The following DYRK1A variants were observed in gnomAD, a reference collection of about 807,000 sequenced individuals.
DYRK1A encodes the protein dual specificity tyrosine-phosphorylation-regulated kinase 1A.
DYRK1A carries 9 observed loss-of-function variants against 79.7 expected under a neutral mutation model. The ratio of observed to expected loss-of-function variants is 0.11; its 90% CI spans 0.07 to 0.20. The LOEUF is 0.20. Ranked by LOEUF, DYRK1A falls within the 10% of genes least tolerant of loss-of-function variation. The pLI is 1.00. For missense variants in DYRK1A, 622 were observed against 956.0 expected, an observed-to-expected ratio of 0.65 and a Z score of 4.61; for synonymous variants, 349 against 329.7, an observed-to-expected ratio of 1.06 and a Z score of -0.63.
chr21:37,375,583 T>A (rs977986966), intron 1 of DYRK1A, among the ~76,000 whole-genome samples: 1 of 139,934 alleles, frequency 7.1e-6, no homozygotes, highest in African/African-American at 2.7e-5. Context: ...TGGAGTGCAG[T>A]GGCACAATTT....
At chr21:37,490,536 T>C in intron 7 of DYRK1A, 75 bp downstream of exon 7, 1 of 1,292,410 alleles carries the variant, frequency 7.7e-7, no homozygotes, top group Non-Finnish European at 1.0e-6. Context: ...GGTATTAGGT[T>C]GGCGCAAAAG....
chr21:37,389,228 CAAAT>C (rs1268901426), intron 1 of DYRK1A, among the ~76,000 whole-genome samples: 1 of 151,466 alleles, frequency 6.6e-6, no homozygotes, highest in African/African-American at 2.4e-5. Flanking sequence ...TATATATAAA[CAAAT>C]ACATACTGCA....
At chr21:37,458,268 C>CTGTGTGTGTGTGTGTGTGTGTGTGTGTG (rs3138683) in intron 2 of DYRK1A, among the ~76,000 whole-genome samples, 5 of 130,484 alleles carry the variant, frequency 3.8e-5, no homozygotes, top group Non-Finnish European at 8.2e-5. Flanking sequence ...GGGTAATTTA[C>CTGTGTGTGTGTGTGTGTGTGTGTGTGTG]TGTGTGTGTG....
chr21:37,416,504 G>C (rs746474499), intron 1 of DYRK1A, among the ~76,000 whole-genome samples: 5 of 151,668 alleles, frequency 3.3e-5, no homozygotes, highest in Non-Finnish European at 7.4e-5. Context: ...CATCAAAACT[G>C]TGATACTTCT....
chr21:37,403,910 C>T (rs1350613656), intron 1 of DYRK1A, among the ~76,000 whole-genome samples: 1 of 151,282 alleles, frequency 6.6e-6, no homozygotes, highest in Non-Finnish European at 1.5e-5. Flanking sequence ...AATTTATTTA[C>T]CTTAGGTAAC....
rs765384659 is a variant in DYRK1A at position 37,512,099 on chromosome 21, A to G, written c.1833A>G (p.Gly611=). The G allele has an allele frequency of 6.2e-7, 1 of 1,614,144 alleles. No individual in the cohort carries two copies. Among genetic ancestry groups the G allele is most frequent in the South Asian group, 1.1e-5 (1 of 91,076 alleles). Residue 611 remains glycine, a synonymous_variant, in exon 12 of 12, where the codon GGA becomes GGG. Transcript: ENST00000647188. ...ACCACCACCATCACCACCACCATGG[A>G]CAACAAGCCTTGGGTAACCGGACCA... is the stretch of plus-strand genomic sequence containing the variant. ...HHHHHHHHHH[G]QQALGNRTRP...
At chr21:37,371,235 T>G (rs1040313028) in intron 1 of DYRK1A, among the ~76,000 whole-genome samples, 4 of 152,238 alleles carry the variant, frequency 2.6e-5, no homozygotes, top group African/African-American at 9.6e-5. Context: ...AAATGTAGAC[T>G]TCATGTGACT....
intron 1 of DYRK1A, among the ~76,000 whole-genome samples, chr21:37,387,064 C>G (rs893594368): frequency 2.6e-5 from 4 of 152,146 alleles, no homozygotes; most frequent in African/African-American, 4.8e-5. Context: ...GCATGCTTTC[C>G]TTGAGCACAT....
chr21:37,433,044 A>AAAATATATATATATAT (rs372461775), intron 2 of DYRK1A, among the ~76,000 whole-genome samples: 13 of 140,518 alleles, frequency 9.3e-5, no homozygotes, highest in African/African-American at 3.0e-4. Flanking sequence ...AGGAATTCTA[A>AAAATATATATATATAT]ATATATATAT....
chr21:37,497,699 C>CT (rs752317491), intron 9 of DYRK1A, among the ~76,000 whole-genome samples: 6 of 152,126 alleles, frequency 3.9e-5, no homozygotes, highest in Non-Finnish European at 7.3e-5. Flanking sequence ...TCCTAAATCT[C>CT]TGCCTTACAA....
At chr21:37,405,972 T>C (rs963415848) in intron 1 of DYRK1A, among the ~76,000 whole-genome samples, 1 of 152,238 alleles carries the variant, frequency 6.6e-6, no homozygotes, top group African/African-American at 2.4e-5. Context: ...GTTCTCATTG[T>C]TGATGTTATT....
chr21:37,391,131 C>T (rs1361677117), intron 1 of DYRK1A, among the ~76,000 whole-genome samples: 1 of 152,112 alleles, frequency 6.6e-6, no homozygotes, highest in Non-Finnish European at 1.5e-5. Context: ...TTCCTAGTGC[C>T]CTGGTTCTTT....
intron 9 of DYRK1A, among the ~76,000 whole-genome samples, chr21:37,499,897 C>G (rs1325782614): frequency 6.6e-6 from 1 of 152,138 alleles, no homozygotes; most frequent in Non-Finnish European, 1.5e-5. Flanking sequence ...TCTGAAGGTT[C>G]CACATCTGCA....
intron 2 of DYRK1A, among the ~76,000 whole-genome samples, chr21:37,453,315 G>A (rs2051520960): frequency 6.6e-6 from 1 of 152,102 alleles, no homozygotes; most frequent in Admixed American, 6.5e-5. Context: ...GTATTCAGTA[G>A]CCACATATGA....
rs58197422 is a variant in DYRK1A at position 37,403,644 on chromosome 21, A to T, written c.-76-16655A>T. 6.8e-3 allele frequency among the ~76,000 whole-genome samples: 724 copies of T among 105,920 alleles called. 14 individuals are homozygous for T. The highest frequency in any genetic ancestry group is 0.026 in the African/African-American group (660 of 25,066). 69.5% of individuals were successfully genotyped at this position (105,920 alleles called of 152,430 possible). On this transcript the variant is annotated intron_variant, in intron 1 of 11. Transcript: ENST00000647188. ...CTATGCTCAGCTAATTAAAAAAAAA[A>T]AAAAATATATATATATATATGTGTG... is the stretch of plus-strand genomic sequence containing the variant.
intron 2 of DYRK1A, among the ~76,000 whole-genome samples, chr21:37,444,865 G>A (rs1601109068): frequency 1.3e-5 from 2 of 152,212 alleles, no homozygotes; most frequent in South Asian, 4.1e-4. Flanking sequence ...CCAGCAGTTA[G>A]TTGGGTGAAG....
chr21:37,386,018 A>AC (rs2049752975), intron 1 of DYRK1A, among the ~76,000 whole-genome samples: 1 of 152,116 alleles, frequency 6.6e-6, no homozygotes, highest in African/African-American at 2.4e-5. Flanking sequence ...CACTTTATAA[A>AC]CGTACACATA....
At chr21:37,430,235 T>G (rs1445657581) in intron 2 of DYRK1A, 1 of 927,922 alleles carries the variant, frequency 1.1e-6, no homozygotes, top group Non-Finnish European at 1.3e-6. Flanking sequence ...CACATCTTTC[T>G]TTCACTTAAT....
chr21:37,456,466 C>A (rs897208125), intron 2 of DYRK1A, among the ~76,000 whole-genome samples: 1 of 152,176 alleles, frequency 6.6e-6, no homozygotes, highest in African/African-American at 2.4e-5. Flanking sequence ...CCCAGCCACC[C>A]CTTTGCCAGT....
Sources: gnomAD v4.1 joint callset for allele counts (sites outside exome capture counted in the v4.1 genomes callset) on GRCh38, gnomAD v4.1.1 for gene constraint, MANE v1.5 for transcripts, NCBI Gene and HGNC (gene_info 2026-07-23, HGNC 2026-07-21) for gene names.